CRTAC1: variants seen among roughly 807,000 people sequenced by gnomAD.
CRTAC1 encodes the protein acidic secreted protein in cartilage.
A neutral mutation model predicts 67.8 loss-of-function variants in CRTAC1; 37 were observed. The ratio of observed to expected loss-of-function variants is 0.55; its 90% CI spans 0.42 to 0.72. The LOEUF (loss-of-function observed/expected upper bound fraction) is 0.72, where lower values mean the gene tolerates loss of function less well. CRTAC1 is among the 30% of genes least tolerant of loss of function. The pLI is 0.00. For missense variants in CRTAC1, 780 were observed against 931.6 expected, an observed-to-expected ratio of 0.84 and a Z score of 2.12; for synonymous variants, 348 against 371.0, an observed-to-expected ratio of 0.94 and a Z score of 0.71.
At chr10:97,915,336 C>T (rs925367450) in intron 5 of CRTAC1, among the ~76,000 whole-genome samples, 19 of 152,236 alleles carry the variant, frequency 1.2e-4, no homozygotes, top group East Asian at 5.8e-4. Flanking sequence ...TGACCTTGGG[C>T]GAGTCCCTTC....
At chr10:97,956,025 T>C (rs991207793) in intron 2 of CRTAC1, among the ~76,000 whole-genome samples, 28 of 152,320 alleles carry the variant, frequency 1.8e-4, no homozygotes, top group African/African-American at 6.7e-4. Context: ...CAACTCACCA[T>C]AAAGGCCACG....
Position 97,972,641 on chromosome 10 carries a change from T to C in CRTAC1, c.225-36275A>G, listed in dbSNP as rs555596241. ...CAGTGTTTTTCACTGAGATACTATA[T>C]ATAGTAGCAAAAAATAAATCAGTGT... On this transcript the variant is annotated intron_variant, in intron 2 of 14. Coordinates refer to ENST00000370597, the MANE Select transcript of CRTAC1 (RefSeq NM_018058.7). Among the ~76,000 whole-genome samples, 5 of 152,356 alleles carry C rather than the reference T, an allele frequency of 3.3e-5. No individual in the cohort carries two copies. The South Asian group carries it at 8.3e-4, about 25-fold the overall frequency.
intron 2 of CRTAC1, among the ~76,000 whole-genome samples, chr10:97,954,144 G>A (rs913105370): frequency 7.2e-5 from 11 of 152,164 alleles, no homozygotes; most frequent in African/African-American, 2.7e-4. Flanking sequence ...CTCTGTGGCA[G>A]AACATTCCTA....
Position 98,025,199 on chromosome 10 carries a change from T to C in CRTAC1, c.24+5250A>G, listed in dbSNP as rs903050112. 1.7e-3 allele frequency among the ~76,000 whole-genome samples: 262 copies of C among 152,286 alleles called. 3 individuals are homozygous for C. Among genetic ancestry groups the C allele is most frequent in the African/African-American group, 5.4e-3 (223 of 41,556 alleles). On this transcript the variant is annotated intron_variant, in intron 1 of 14. Transcript: ENST00000370597. ...CCTCTAATGTGCTGTGATTCTGTGC[T>C]GCAATGCTCCAGTCCCGGGTTTCTC...
chr10:98,000,565 G>A (rs953984628), intron 2 of CRTAC1, among the ~76,000 whole-genome samples: 16 of 152,206 alleles, frequency 1.1e-4, no homozygotes, highest in African/African-American at 2.7e-4. Flanking sequence ...CCTTGGAGGC[G>A]TGGGATCCAG....
At chr10:97,949,966 G>C (rs927147907) in intron 2 of CRTAC1, among the ~76,000 whole-genome samples, 1 of 152,160 alleles carries the variant, frequency 6.6e-6, no homozygotes, top group African/African-American at 2.4e-5. Context: ...GACACATAAT[G>C]GGAGCTCAAA....
chr10:97,931,350 A>T (rs1037107012), intron 3 of CRTAC1, among the ~76,000 whole-genome samples: 5 of 152,264 alleles, frequency 3.3e-5, no homozygotes, highest in Non-Finnish European at 7.3e-5. Flanking sequence ...ACTCACAAAT[A>T]TGCCTGCAAT....
At position 97,949,464 on chromosome 10, in the gene CRTAC1, A is replaced by G. The variant is rs113970422; in HGVS notation, c.225-13098T>C. Among the ~76,000 whole-genome samples, 669 of 152,338 alleles carry G rather than the reference A, an allele frequency of 4.4e-3. 5 individuals are homozygous for G. Among genetic ancestry groups the G allele is most frequent in the African/African-American group, 0.015 (609 of 41,582 alleles). ...AACCAAGCTGGGGTGGAACAAGGGA[A>G]GGCAGCCATGCAGAATGTGGGGCAG... On this transcript the variant is annotated intron_variant, in intron 2 of 14. Transcript: ENST00000370597.
At chr10:97,982,320 G>C (rs2051904862) in intron 2 of CRTAC1, among the ~76,000 whole-genome samples, 1 of 152,136 alleles carries the variant, frequency 6.6e-6, no homozygotes, top group Admixed American at 6.5e-5. Flanking sequence ...GTCAAACAAG[G>C]TTGGGTTTCA....
chr10:97,917,726 C>T (rs2050779930), intron 4 of CRTAC1, 70 bp from the exon 5 acceptor site: 3 of 1,292,392 alleles, frequency 2.3e-6, no homozygotes, highest in Non-Finnish European at 3.1e-6. Context: ...CCCCTCCCCA[C>T]CCCAGGTAGG....
At chr10:97,926,225 A>T (rs1008585311) in intron 3 of CRTAC1, among the ~76,000 whole-genome samples, 1 of 152,078 alleles carries the variant, frequency 6.6e-6, no homozygotes. Context: ...CAGGGGGGAA[A>T]CTGAGTTGCG....
intron 2 of CRTAC1, among the ~76,000 whole-genome samples, chr10:97,968,954 T>G (rs2051662369): frequency 6.6e-6 from 1 of 152,216 alleles, no homozygotes; most frequent in Non-Finnish European, 1.5e-5. Context: ...CTCTAGGTGA[T>G]GCTGATACTG....
intron 1 of CRTAC1, among the ~76,000 whole-genome samples, chr10:98,018,861 CACA>C (rs1843059887): frequency 6.6e-6 from 1 of 152,154 alleles, no homozygotes; most frequent in African/African-American, 2.4e-5. Flanking sequence ...CAAAGACACC[CACA>C]AAAGAGCTCC....
At position 97,896,902 on chromosome 10, in the gene CRTAC1, C is replaced by G. The variant is rs1368896345; in HGVS notation, c.1216+7G>C. ...AGTGCAGGCCAGATCCCCCAGGTGC[C>G]CCTCACCTGTGCCCCGGCCCTCAGG... On this transcript the variant is annotated splice_region_variant and intron_variant, in intron 9 of 14. Coordinates refer to ENST00000370597, the MANE Select transcript of CRTAC1 (RefSeq NM_018058.7). 1.3e-6 allele frequency: 2 copies of G among 1,548,986 alleles called. No individual in the cohort carries two copies. Among genetic ancestry groups the G allele is most frequent in the Non-Finnish European group, 1.7e-6 (2 of 1,144,270 alleles).
At chr10:97,943,642 T>C (rs897472105) in intron 2 of CRTAC1, among the ~76,000 whole-genome samples, 1 of 152,224 alleles carries the variant, frequency 6.6e-6, no homozygotes, top group Non-Finnish European at 1.5e-5. Flanking sequence ...TTAGATAAAA[T>C]AAATGGAAAG....
intron 2 of CRTAC1, among the ~76,000 whole-genome samples, chr10:97,952,859 T>C (rs2051380199): frequency 6.6e-6 from 1 of 152,248 alleles, no homozygotes; most frequent in South Asian, 2.1e-4. Flanking sequence ...AGAAGGACTA[T>C]ATTATTGATT....
intron 1 of CRTAC1, among the ~76,000 whole-genome samples, chr10:98,013,814 G>A (rs960879818): frequency 6.6e-6 from 1 of 152,204 alleles, no homozygotes; most frequent in African/African-American, 2.4e-5. Flanking sequence ...TTTTCAGCAG[G>A]GTTCTACAGT....
chr10:97,894,344 T>G (rs557311899), intron 11 of CRTAC1, among the ~76,000 whole-genome samples: 2 of 152,192 alleles, frequency 1.3e-5, no homozygotes, highest in East Asian at 3.9e-4. Flanking sequence ...ATAGTTCCAT[T>G]AATGCCACAG....
At chr10:97,981,181 T>C (rs2051885805) in intron 2 of CRTAC1, among the ~76,000 whole-genome samples, 1 of 152,216 alleles carries the variant, frequency 6.6e-6, no homozygotes, top group African/African-American at 2.4e-5. Flanking sequence ...ATGGATCCTA[T>C]AATTATGATC....
Sources: allele counts gnomAD v4.1 joint callset (sites outside exome capture counted in the v4.1 genomes callset), GRCh38; gene constraint gnomAD v4.1.1; transcripts MANE v1.5; gene names NCBI Gene and HGNC (gene_info 2026-07-23, HGNC 2026-07-21).